ABCG2: variants seen among roughly 807,000 people sequenced by gnomAD.
ABCG2 encodes ATP binding cassette subfamily G member 2 (JR blood group).
In ABCG2, 80 loss-of-function variants were observed where a neutral mutation model predicts 73.5. The ratio of observed to expected loss-of-function variants is 1.09; its 90% CI spans 0.91 to 1.31. The LOEUF is 1.31. Ranked by LOEUF, ABCG2 falls within the 50% of genes most tolerant of loss-of-function variation. The probability of loss-of-function intolerance (pLI) is 0.00; values close to 1 mark genes in which losing one functional copy is unlikely to be tolerated. For synonymous variants in ABCG2, 269 were observed against 282.4 expected (o/e 0.95, Z 0.48); for missense variants, 796 against 786.2 (o/e 1.01, Z -0.15).
At chr4:88,191,138 G>A (rs1373662590) in intron 1 of ABCG2, among the ~76,000 whole-genome samples, 3 of 150,020 alleles carry the variant, frequency 2.0e-5, no homozygotes, top group African/African-American at 2.4e-5. Context: ...CCAGCTATTC[G>A]GGAGGCTGAG....
intron 1 of ABCG2, among the ~76,000 whole-genome samples, chr4:88,155,933 T>C (rs2110079583): frequency 6.6e-6 from 1 of 152,014 alleles, no homozygotes. Flanking sequence ...TAATAGAACA[T>C]CCAGTGTCCA....
At chr4:88,096,784 G>A (rs1226612569) in intron 13 of ABCG2, among the ~76,000 whole-genome samples, 1 of 151,842 alleles carries the variant, frequency 6.6e-6, no homozygotes, top group Non-Finnish European at 1.5e-5. Flanking sequence ...CATATTGAAT[G>A]TCAGGAACGA....
At chr4:88,188,075 G>A (rs1350689321) in intron 1 of ABCG2, among the ~76,000 whole-genome samples, 1 of 152,136 alleles carries the variant, frequency 6.6e-6, no homozygotes, top group Non-Finnish European at 1.5e-5. Context: ...ATGTCATAAT[G>A]ATTTTCTCTT....
chr4:88,201,119 T>C (rs1355120315), intron 1 of ABCG2, among the ~76,000 whole-genome samples: 1 of 134,740 alleles, frequency 7.4e-6, no homozygotes, highest in Non-Finnish European at 1.6e-5. Context: ...AACATGAAAC[T>C]GAAAATCAAT....
intron 9 of ABCG2, among the ~76,000 whole-genome samples, chr4:88,109,450 A>G (rs1722983277): frequency 6.6e-6 from 1 of 152,250 alleles, no homozygotes; most frequent in African/African-American, 2.4e-5. Flanking sequence ...ACATATTGAC[A>G]AAATAATCAA....
chr4:88,093,522 AAAG>A (rs1721784424), intron 15 of ABCG2, among the ~76,000 whole-genome samples: 1 of 151,242 alleles, frequency 6.6e-6, no homozygotes, highest in Non-Finnish European at 1.5e-5. Context: ...AAAAAAAAAA[AAAG>A]GAATATCTTC....
intron 1 of ABCG2, among the ~76,000 whole-genome samples, chr4:88,198,140 TG>T (rs375219470): frequency 3.3e-5 from 5 of 151,556 alleles, no homozygotes; most frequent in South Asian, 2.1e-4. Context: ...AAGACCAACC[TG>T]GCCAACATGG....
intron 1 of ABCG2, among the ~76,000 whole-genome samples, chr4:88,222,750 AG>A (rs1730059567): frequency 6.6e-6 from 1 of 152,088 alleles, no homozygotes; most frequent in Non-Finnish European, 1.5e-5. Context: ...TGGAGCTATG[AG>A]AAGTAGGCCA....
At position 88,118,205 on chromosome 4, in the gene ABCG2, T is replaced by A. The variant is rs762343090; in HGVS notation, c.745A>T (p.Ile249Phe). 5.0e-6 allele frequency: 8 copies of A among 1,614,046 alleles called. No individual in the cohort carries two copies. In the Admixed American group the frequency reaches 1.2e-4, roughly 24 times the overall value. Residue 249 changes from isoleucine to phenylalanine, a missense_variant, in exon 7 of 16, where the codon ATC becomes TTC. Transcript: ENST00000237612. ...GTGAGGCTATCAAACAACTTGAAGA[T>A]GGAATATCGAGGCTGATGAATGGAG... ...IFSIHQPRYS[I>F]FKLFDSLTLL...
chr4:88,226,456 G>C (rs1222018550), intron 1 of ABCG2, among the ~76,000 whole-genome samples: 1 of 152,172 alleles, frequency 6.6e-6, no homozygotes, highest in East Asian at 1.9e-4. Flanking sequence ...CTTGTTGTTG[G>C]TGTTTCTATT....
chr4:88,132,376 T>TA (rs1724952042), intron 3 of ABCG2, among the ~76,000 whole-genome samples, 200 bp downstream of exon 3: 1 of 152,186 alleles, frequency 6.6e-6, no homozygotes, highest in Non-Finnish European at 1.5e-5. Flanking sequence ...TATCAAATCC[T>TA]ATTAGTAAAG....
At position 88,113,012 on chromosome 4, in the gene ABCG2, A is replaced by G. The variant is rs538477548; in HGVS notation, c.1194+291T>C. 2.6e-5 allele frequency among the ~76,000 whole-genome samples: 4 copies of G among 152,240 alleles called. No homozygotes were observed. In the East Asian group the frequency reaches 7.7e-4, roughly 29 times the overall value. On this transcript the variant is annotated intron_variant, in intron 9 of 15. Transcript: ENST00000237612. ...GTAGTCTCAGCTATTCAAGAGGCTG[A>G]GGTGTGAGGATCACTTGAGCCCAGG...
chr4:88,100,132 C>T lies in ABCG2; in HGVS notation c.1368-684G>A, dbSNP rs796325688. On this transcript the variant is annotated intron_variant, in intron 11 of 15. Transcript: ENST00000237612. ...CATGTACATTTGGGAAAATGTGATC[C>T]ATCCTTGAAAAATACCCAGCCTGGG... Among the ~76,000 whole-genome samples the T allele has an allele frequency of 4.6e-5, 7 of 151,452 alleles. No individual in the cohort carries two copies. The South Asian group carries it at 1.5e-3, about 32-fold the overall frequency.
intron 1 of ABCG2, among the ~76,000 whole-genome samples, chr4:88,165,586 C>T (rs1257560201): frequency 6.6e-6 from 1 of 152,172 alleles, no homozygotes; most frequent in African/African-American, 2.4e-5. Flanking sequence ...GTTATTTGGG[C>T]CAGGTACATT....
upstream of ABCG2, among the ~76,000 whole-genome samples, chr4:88,160,846 C>G (rs147337952): frequency 1.0e-5 from 1 of 96,834 alleles, no homozygotes; most frequent in Non-Finnish European, 2.0e-5. Flanking sequence ...GAGACTCCAT[C>G]TCAAAAAAAA....
At chr4:88,104,712 C>T (rs1358856563) in intron 10 of ABCG2, among the ~76,000 whole-genome samples, 2 of 151,894 alleles carry the variant, frequency 1.3e-5, no homozygotes, top group East Asian at 3.9e-4. Context: ...ATTATGAGCC[C>T]AGGAGTTCAA....
intron 10 of ABCG2, among the ~76,000 whole-genome samples, chr4:88,106,278 C>G (rs1722763145): frequency 6.6e-6 from 1 of 152,116 alleles, no homozygotes; most frequent in Non-Finnish European, 1.5e-5. Flanking sequence ...GCTGGGACTA[C>G]AGACACATGC....
chr4:88,095,598 AC>A lies in ABCG2; in HGVS notation c.1658del (p.Gly553ValfsTer63). ...CAATGGTTGTGAGATTGACCAACAG[AC>A]CTGAAAAAATCTACAAAAAGCAAAT... is the stretch of plus-strand genomic sequence containing the variant. Reference protein sequence around the residue: ...ICFVFMMIFSGLLVNLTTIAS... With the variant: ...ICFVFMMIFSXLLVNLTTIAS... On this transcript the variant is annotated frameshift_variant, in exon 14 of 16. Transcript: ENST00000237612. LOFTEE classifies it high-confidence loss of function. The A allele has an allele frequency of 2.5e-6, 4 of 1,613,652 alleles. No homozygotes were observed. Among genetic ancestry groups the A allele is most frequent in the Non-Finnish European group, 3.4e-6 (4 of 1,179,638 alleles).
At chr4:88,217,799 G>A (rs1426707063) in intron 1 of ABCG2, among the ~76,000 whole-genome samples, 1 of 151,990 alleles carries the variant, frequency 6.6e-6, no homozygotes, top group African/African-American at 2.4e-5. Context: ...CATAGACCCA[G>A]ACTCTAAAAA....
Sources: gnomAD v4.1 joint callset for allele counts (sites outside exome capture counted in the v4.1 genomes callset) on GRCh38, gnomAD v4.1.1 for gene constraint, MANE v1.5 for transcripts, NCBI Gene and HGNC (gene_info 2026-07-23, HGNC 2026-07-21) for gene names.